The following IL1RAPL1 variants were observed in gnomAD, a reference collection of about 807,000 sequenced individuals.
The protein encoded by IL1RAPL1 is interleukin-1 receptor accessory protein-like 1.
IL1RAPL1 carries 3 observed loss-of-function variants against 48.4 expected under a neutral mutation model. That is an observed-to-expected ratio of 0.06 (90% CI 0.03 to 0.16). The LOEUF is 0.16. Ranked by LOEUF, IL1RAPL1 falls within the 10% of genes least tolerant of loss-of-function variation. The probability of loss-of-function intolerance (pLI) is 1.00; values close to 1 mark genes in which losing one functional copy is unlikely to be tolerated. For synonymous variants in IL1RAPL1, 185 were observed against 187.7 expected, an observed-to-expected ratio of 0.99 and a Z score of 0.12; for missense variants, 349 against 530.6, an observed-to-expected ratio of 0.66 and a Z score of 3.36.
chrX:29,009,008 A>G (rs1299193449), intron 2 of IL1RAPL1, among the ~76,000 whole-genome samples: 5 of 111,243 alleles, frequency 4.5e-5, no homozygotes, highest in Non-Finnish European at 9.5e-5. Context: ...ATTTCATACT[A>G]CATAGCCACA....
At chrX:29,231,867 A>C (rs1160576313) in intron 2 of IL1RAPL1, among the ~76,000 whole-genome samples, 1 of 112,109 alleles carries the variant, frequency 8.9e-6, no homozygotes, top group Non-Finnish European at 1.9e-5. Context: ...GATTTGCCAT[A>C]AAGTTCGAGT....
At chrX:29,390,870 G>A (rs1341213306) in intron 3 of IL1RAPL1, among the ~76,000 whole-genome samples, 3 of 111,589 alleles carry the variant, frequency 2.7e-5, no homozygotes, top group Non-Finnish European at 3.8e-5. Context: ...TTTTAAAAAT[G>A]AATTTTAAAA....
intron 5 of IL1RAPL1, among the ~76,000 whole-genome samples, chrX:29,439,851 G>GTTTTTTTT (rs760458968): frequency 1.7e-5 from 1 of 59,864 alleles, no homozygotes; most frequent in Non-Finnish European, 2.9e-5. Context: ...TGTTTGTTTG[G>GTTTTTTTT]TTTTTTTTTT....
At chrX:28,980,958 G>A (rs188808348) in intron 2 of IL1RAPL1, among the ~76,000 whole-genome samples, 1 of 105,748 alleles carries the variant, frequency 9.5e-6, no homozygotes, top group African/African-American at 3.5e-5. Flanking sequence ...GGGCATGGTG[G>A]TGCATGCCTG....
At chrX:29,901,625 A>G (rs1411595147) in intron 6 of IL1RAPL1, among the ~76,000 whole-genome samples, 5 of 111,602 alleles carry the variant, frequency 4.5e-5, no homozygotes, top group Admixed American at 9.5e-5. Flanking sequence ...TCAACTGCTC[A>G]TGATACTGAG....
intron 6 of IL1RAPL1, among the ~76,000 whole-genome samples, chrX:29,853,569 A>G (rs767286316): frequency 9.0e-6 from 1 of 111,052 alleles, no homozygotes; most frequent in Non-Finnish European, 1.9e-5. Context: ...TTTTACTTTT[A>G]TGGGTAACAC....
intron 5 of IL1RAPL1, among the ~76,000 whole-genome samples, chrX:29,642,604 G>T (rs1260547456): frequency 8.9e-6 from 1 of 112,352 alleles, no homozygotes; most frequent in Non-Finnish European, 1.9e-5. Context: ...ATCAACTAAG[G>T]CATAGCTTCC....
intron 5 of IL1RAPL1, among the ~76,000 whole-genome samples, chrX:29,534,901 G>A (rs777843341): frequency 5.5e-5 from 6 of 108,435 alleles, no homozygotes; most frequent in South Asian, 4.1e-4. Context: ...CCCGGGAGGC[G>A]GAGCTTGCAG....
At chrX:28,907,497 C>T (rs1458478640) in intron 2 of IL1RAPL1, among the ~76,000 whole-genome samples, 1 of 112,456 alleles carries the variant, frequency 8.9e-6, no homozygotes, top group Admixed American at 9.4e-5. Context: ...TCAAGTGATG[C>T]GTACACCTCA....
intron 2 of IL1RAPL1, among the ~76,000 whole-genome samples, chrX:28,940,543 C>A (rs1252084618): frequency 1.8e-5 from 2 of 110,623 alleles, no homozygotes; most frequent in African/African-American, 6.5e-5. Context: ...ATATCAGAGA[C>A]GATTTTCTTT....
At chrX:29,706,356 T>G (rs987955074) in intron 6 of IL1RAPL1, among the ~76,000 whole-genome samples, 6 of 111,716 alleles carry the variant, frequency 5.4e-5, no homozygotes, top group Non-Finnish European at 1.1e-4. Context: ...CATTCCAACT[T>G]TAACTCAGAA....
intron 5 of IL1RAPL1, among the ~76,000 whole-genome samples, chrX:29,633,474 C>T (rs866902083): frequency 4.0e-4 from 42 of 105,866 alleles, no homozygotes; most frequent in East Asian, 9.0e-4. Context: ...TATATACACA[C>T]ACACACACAC....
At chrX:29,310,646 A>G (rs1246346862) in intron 3 of IL1RAPL1, among the ~76,000 whole-genome samples, 4 of 112,027 alleles carry the variant, frequency 3.6e-5, no homozygotes, top group African/African-American at 1.3e-4. Flanking sequence ...TTTAATTATA[A>G]GAAAAATATG....
At chrX:28,707,648 C>G (rs745869012) in intron 1 of IL1RAPL1, among the ~76,000 whole-genome samples, 1 of 111,861 alleles carries the variant, frequency 8.9e-6, no homozygotes, top group Non-Finnish European at 1.9e-5. Flanking sequence ...GCAATGCTGC[C>G]AAGGAGAAAT....
At chrX:29,809,445 T>C (rs1930334127) in intron 6 of IL1RAPL1, among the ~76,000 whole-genome samples, 1 of 111,125 alleles carries the variant, frequency 9.0e-6, no homozygotes, top group African/African-American at 3.3e-5. Flanking sequence ...CTTTTCATGA[T>C]CCTGCAGAAA....
intron 3 of IL1RAPL1, among the ~76,000 whole-genome samples, chrX:29,358,988 A>G (rs1280294857): frequency 9.1e-6 from 1 of 109,299 alleles, no homozygotes; most frequent in Non-Finnish European, 1.9e-5. Flanking sequence ...GCATCACTGC[A>G]CTCCAGCTTG....
intron 2 of IL1RAPL1, among the ~76,000 whole-genome samples, chrX:28,859,022 T>C (rs751239133): frequency 8.9e-6 from 1 of 112,361 alleles, no homozygotes; most frequent in East Asian, 2.8e-4. Flanking sequence ...CTTAAAATAT[T>C]GAATGATTTC....
intron 6 of IL1RAPL1, among the ~76,000 whole-genome samples, chrX:29,887,469 T>C (rs1363977159): frequency 9.0e-6 from 1 of 111,603 alleles, no homozygotes; most frequent in African/African-American, 3.3e-5. Flanking sequence ...AAGTTATTTT[T>C]AGACAAATCT....
intron 3 of IL1RAPL1, among the ~76,000 whole-genome samples, chrX:29,393,397 A>G (rs1933881727): frequency 8.9e-6 from 1 of 112,161 alleles, no homozygotes; most frequent in Non-Finnish European, 1.9e-5. Flanking sequence ...CTGGGATTAC[A>G]GGCTTGAGCC....
Sources: gnomAD v4.1 joint callset for allele counts (sites outside exome capture counted in the v4.1 genomes callset) on GRCh38, gnomAD v4.1.1 for gene constraint, MANE v1.5 for transcripts, NCBI Gene and HGNC (gene_info 2026-07-23, HGNC 2026-07-21) for gene names.